TNPO2: variants seen among roughly 807,000 people sequenced by gnomAD.
TNPO2 encodes transportin 2.
TNPO2 carries 16 observed loss-of-function variants against 111.1 expected under a neutral mutation model. The observed-to-expected ratio is 0.14, with a 90% CI of 0.10 to 0.22. The LOEUF (loss-of-function observed/expected upper bound fraction) is 0.22. Ranked by LOEUF, TNPO2 falls within the 10% of genes least tolerant of loss-of-function variation. The pLI is 1.00. For missense variants in TNPO2, 530 were observed against 1,173.7 expected, an observed-to-expected ratio of 0.45 and a Z score of 8.01; for synonymous variants, 481 against 475.8, an observed-to-expected ratio of 1.01 and a Z score of -0.14.
In TNPO2 at chr19:12,721,035, CGT is replaced by C. The variant is rs1402814866; in HGVS notation, c.-13-47_-13-46del. The C allele has an allele frequency of 2.0e-6, 3 of 1,536,498 alleles. No homozygotes were observed. Among genetic ancestry groups the C allele is most frequent in the Non-Finnish European group, 2.6e-6 (3 of 1,146,488 alleles). On this transcript the variant is annotated intron_variant, in intron 2 of 25. Coordinates refer to ENST00000425528, the MANE Select transcript of TNPO2 (RefSeq NM_001382241.1). The surrounding 1 kb of genome is among the most constrained non-coding windows in gnomAD (Gnocchi z 4.9). The stretch of plus-strand genomic sequence containing the variant: ...GGTCAGCGCTGGGTCTCTGGGGCTC[CGT>C]GTGAGACCCAGGTGGAGCCCCTGAG...
At position 12,703,498 on chromosome 19, in the gene TNPO2, G is replaced by A. The variant is rs1280037180; in HGVS notation, c.2139C>T (p.Asn713=). 11 of 1,614,054 alleles carry A rather than the reference G, an allele frequency of 6.8e-6. No homozygotes were observed. The highest frequency in any genetic ancestry group is 9.3e-6 in the Non-Finnish European group (11 of 1,179,906). ...AGACGGAGATGAACTCTGGGTTCAG[G>A]TTGGTGCCCAGAATGGGCATGAACT... The part of the protein sequence containing the change: ...IAEFMPILGT[N]LNPEFISVCN... The change falls in exon 20 of 26, where the codon AAC becomes AAT. Residue 713 remains asparagine, a synonymous_variant. Transcript: ENST00000425528.
intron 20 of TNPO2, 143 bp from the exon 21 acceptor site, chr19:12,703,061 C>A: frequency 1.4e-6 from 1 of 711,208 alleles, no homozygotes; most frequent in Non-Finnish European, 2.4e-6. Context: ...AGACCTTCTC[C>A]GGCTAATCCC....
rs766871141 is a variant in TNPO2 at position 12,705,776 on chromosome 19, G to C, written c.1669-8C>G. 7 of 1,455,556 alleles carry C rather than the reference G, an allele frequency of 4.8e-6. No individual in the cohort carries two copies. The highest frequency in any genetic ancestry group is 1.8e-6 in the Non-Finnish European group (2 of 1,100,120). The allele number at this position is 1,455,556 out of a possible 1,614,324, so 90.2% of individuals were successfully genotyped here. ...CAGCTTCTGGATGTATTCCTGGAGA[G>C]GGAGCACGAAATGGGCGCTCCCTGG... On this transcript the variant is annotated splice_region_variant and splice_polypyrimidine_tract_variant and intron_variant, in intron 15 of 25. Transcript: ENST00000425528. The surrounding 1 kb of genome is among the most constrained non-coding windows in gnomAD (Gnocchi z 7.2).
Position 12,701,155 on chromosome 19 carries a change from C to T in TNPO2, c.*109G>A. The T allele has an allele frequency of 1.9e-6, 1 of 537,366 alleles. No homozygotes were observed. The highest frequency in any genetic ancestry group is 3.3e-6 in the Non-Finnish European group (1 of 303,318). The allele number at this position is 537,366 out of a possible 1,614,324, so 33.3% of individuals were successfully genotyped here. ...CATCTGGATTTGAGTCCCACTCACT[C>T]CTCCCTAACCCCCCTCAACCAGGGC... On this transcript the variant is annotated 3_prime_UTR_variant, in exon 26 of 26. Transcript: ENST00000425528. The surrounding 1 kb of genome is among the most constrained non-coding windows in gnomAD (Gnocchi z 5.0).
chr19:12,714,149 A>C (rs2145573014), intron 10 of TNPO2, among the ~76,000 whole-genome samples: 1 of 152,242 alleles, frequency 6.6e-6, no homozygotes, highest in Non-Finnish European at 1.5e-5. Context: ...TGAAGTTCCT[A>C]AGCTGGAAGG....
chr19:12,711,592 A>G lies in TNPO2; in HGVS notation c.912T>C (p.Asn304=). 3 of 1,613,742 alleles carry G rather than the reference A, an allele frequency of 1.9e-6. No homozygotes were observed. The highest frequency in any genetic ancestry group is 2.5e-6 in the Non-Finnish European group (3 of 1,179,806). ...HLVQLIPILV[N]GMKYSEIDII... ...TGTCAATTTCCGAGTACTTCATCCC[A>G]TTCACCAAGATGGGGATCAACCTGC... The change falls in exon 11 of 26, where the codon AAT becomes AAC. Residue 304 remains asparagine, a synonymous_variant. Transcript: ENST00000425528.
chr19:12,699,275 A>G lies in TNPO2; in HGVS notation c.*1989T>C, dbSNP rs1304751689. 2.2e-6 allele frequency: 1 copy of G among 446,550 alleles called. No homozygotes were observed. Among genetic ancestry groups the G allele is most frequent in the Non-Finnish European group, 4.5e-6 (1 of 222,576 alleles). The allele number at this position is 446,550 out of a possible 1,614,324, so 27.7% of individuals were successfully genotyped here. On this transcript the variant is annotated 3_prime_UTR_variant, in exon 26 of 26. Coordinates refer to ENST00000425528, the MANE Select transcript of TNPO2 (RefSeq NM_001382241.1). ...TCACGCCACCTCGGCGCCAATCCCCAGCACAGCACAGTAACAAATGGACAG... is the reference window on the plus strand; with the variant it reads ...TCACGCCACCTCGGCGCCAATCCCCGGCACAGCACAGTAACAAATGGACAG...
chr19:12,715,065 G>A lies in TNPO2; in HGVS notation c.753C>T (p.His251=). Reference sequence around the variant, plus strand: ...TGCACACCTGGATGATGCTGTGCATGTGGGGGATGAGCCTGTCAATCCGCA... The same window carrying A: ...TGCACACCTGGATGATGCTGTGCATATGGGGGATGAGCCTGTCAATCCGCA... ...LEVRIDRLIP[H]MHSIIQYMLQ... is the part of the protein sequence containing the mutation. The change falls in exon 9 of 26, where the codon CAC becomes CAT. Residue 251 remains histidine, a synonymous_variant. Coordinates refer to ENST00000425528, the MANE Select transcript of TNPO2 (RefSeq NM_001382241.1). This position sits in a 1 kb window ranked among gnomAD's most constrained non-coding sequence, Gnocchi z 7.1. 6.4e-7 allele frequency: 1 copy of A among 1,574,040 alleles called. No individual in the cohort carries two copies.
Position 12,721,340 on chromosome 19 carries a change from G to A in TNPO2, c.-13-350C>T, listed in dbSNP as rs1366248579. The A allele has an allele frequency of 1.6e-6, 2 of 1,265,602 alleles. No homozygotes were observed. The highest frequency in any genetic ancestry group is 2.0e-6 in the Non-Finnish European group (2 of 980,418). 78.4% of individuals were successfully genotyped at this position (1,265,602 alleles called of 1,614,324 possible). ...CGAAGGCTTCCACCTCCCTCGCAGC[G>A]GCTGGGCGAGGGCCCAGCCGCCTCC... is the stretch of plus-strand genomic sequence containing the variant. On this transcript the variant is annotated intron_variant, in intron 2 of 25. Transcript: ENST00000425528. The surrounding 1 kb of genome is among the most constrained non-coding windows in gnomAD (Gnocchi z 4.9).
At chr19:12,714,283 T>C (rs2026238102) in intron 10 of TNPO2, among the ~76,000 whole-genome samples, 3 of 151,778 alleles carry the variant, frequency 2.0e-5, no homozygotes, top group Non-Finnish European at 2.9e-5. Context: ...GATACAGCCA[T>C]ACCCCTGAAG....
At position 12,719,888 on chromosome 19, in the gene TNPO2, G is replaced by A. The variant is rs1277703300; in HGVS notation, c.100-552C>T. 6.6e-6 allele frequency among the ~76,000 whole-genome samples: 1 copy of A among 151,388 alleles called. No homozygotes were observed. Among genetic ancestry groups the A allele is most frequent in the Non-Finnish European group, 1.5e-5 (1 of 67,972 alleles). ...GACCCAGCCAGAGCAGGAGAGGGAA[G>A]GAGAATCCCACTCCTCTTAAAGTGG... On this transcript the variant is annotated intron_variant, in intron 3 of 25. Transcript: ENST00000425528. The surrounding 1 kb of genome is among the most constrained non-coding windows in gnomAD (Gnocchi z 5.0).
At chr19:12,716,521 G>A (rs922793512) in intron 5 of TNPO2, among the ~76,000 whole-genome samples, 2 of 152,164 alleles carry the variant, frequency 1.3e-5, no homozygotes, top group Non-Finnish European at 2.9e-5. Flanking sequence ...AGCTACTTGG[G>A]AGGCCGAGGC....
chr19:12,711,377 G>T lies in TNPO2; in HGVS notation c.1036C>A (p.Pro346Thr). 6.2e-7 allele frequency: 1 copy of T among 1,614,048 alleles called. No homozygotes were observed. The highest frequency in any genetic ancestry group is 8.5e-7 in the Non-Finnish European group (1 of 1,179,898). The stretch of plus-strand genomic sequence containing the variant: ...CCATCAGGCCGCTCAGCCTCGTGGG[G>T]CAGTGTGACCGTGCGTGACTTGTGG... ...RFHKSRTVTL[P>T]HEAERPDGSE... The change falls in exon 12 of 26, where the codon CCC (proline) becomes ACC (threonine). Residue 346 changes from proline to threonine, a missense_variant. This residue lies in a region of TNPO2 where 88 missense variants were observed against 130.2 expected (regional missense o/e 0.68). Transcript: ENST00000425528.
Position 12,705,510 on chromosome 19 carries a change from C to T in TNPO2, c.1845G>A (p.Lys615=). 4 of 1,599,858 alleles carry T rather than the reference C, an allele frequency of 2.5e-6. No homozygotes were observed. Among genetic ancestry groups the T allele is most frequent in the Non-Finnish European group, 3.4e-6 (4 of 1,173,872 alleles). ...TGCTCACCATGGCCTGAGCCAGTGT[C>T]TTCTGCACCAGGGTGACACAGCGCT... ...VYQRCVTLVQ[K]TLAQAMMYTQ... The change falls in exon 17 of 26, where the codon AAG becomes AAA. Residue 615 remains lysine, a synonymous_variant. Transcript: ENST00000425528. This position sits in a 1 kb window ranked among gnomAD's most constrained non-coding sequence, Gnocchi z 7.2.
rs1249946526 is a variant in TNPO2 at position 12,701,686 on chromosome 19, G to A, written c.2512-14C>T. On this transcript the variant is annotated splice_polypyrimidine_tract_variant and intron_variant, in intron 23 of 25. Transcript: ENST00000425528. The surrounding 1 kb of genome is among the most constrained non-coding windows in gnomAD (Gnocchi z 5.0). ...GAAAATAAAGTCCTGAAACGTGACG[G>A]ATCCCAGGTGAGGGGCCGCCCGAGC... 3 of 1,613,816 alleles carry A rather than the reference G, an allele frequency of 1.9e-6. No homozygotes were observed. The highest frequency in any genetic ancestry group is 3.3e-5 in the Admixed American group (2 of 59,998).
chr19:12,702,348 T>C lies in TNPO2; in HGVS notation c.2306-171A>G. 1.4e-6 allele frequency: 1 copy of C among 695,004 alleles called. No homozygotes were observed. Among genetic ancestry groups the C allele is most frequent in the Non-Finnish European group, 2.6e-6 (1 of 382,130 alleles). The allele number at this position is 695,004 out of a possible 1,614,324, so 43.1% of individuals were successfully genotyped here. On this transcript the variant is annotated intron_variant, in intron 21 of 25. Transcript: ENST00000425528. This position sits in a 1 kb window ranked among gnomAD's most constrained non-coding sequence, Gnocchi z 5.5. ...ACCTGAGTCACTTCCCAGGTCTCTC[T>C]GCATCTATCTTTCTTTCTTTCCTTT... is the stretch of plus-strand genomic sequence containing the variant.
Position 12,705,109 on chromosome 19 carries a change from A to C in TNPO2, c.2022+131T>G. 2 of 991,000 alleles carry C rather than the reference A, an allele frequency of 2.0e-6. No individual in the cohort carries two copies. Among genetic ancestry groups the C allele is most frequent in the Non-Finnish European group, 3.0e-6 (2 of 676,688 alleles). The allele number at this position is 991,000 out of a possible 1,614,324, so 61.4% of individuals were successfully genotyped here. On this transcript the variant is annotated intron_variant, in intron 18 of 25. Transcript: ENST00000425528. The surrounding 1 kb of genome is among the most constrained non-coding windows in gnomAD (Gnocchi z 7.2). ...AAGCAATCCTGCCTCGGCCTCCAGG[A>C]TTACTCTTTAAAATAATTAGAACAG...
In TNPO2 at chr19:12,718,951, A is replaced by G. The variant is rs536354421; in HGVS notation, c.325+78T>C. 2.7e-5 allele frequency: 43 copies of G among 1,563,974 alleles called. 1 individual carries two copies. In the South Asian group the frequency reaches 5.0e-4, roughly 18 times the overall value. ...ACCATAGAGGGTGCCAGAGCATTCC[A>G]TGAAGCACTACACTTAACATGCTGA... On this transcript the variant is annotated intron_variant, in intron 5 of 25. Coordinates refer to ENST00000425528, the MANE Select transcript of TNPO2 (RefSeq NM_001382241.1).
intron 13 of TNPO2, among the ~76,000 whole-genome samples, chr19:12,707,479 CTTTTTTTTT>C (rs56817777): frequency 1.3e-5 from 1 of 74,962 alleles, no homozygotes; most frequent in Non-Finnish European, 2.6e-5. Context: ...TGTGAGTTTT[CTTTTTTTTT>C]TTTTTTTTTT....
Sources: gnomAD v4.1 joint callset for allele counts (sites outside exome capture counted in the v4.1 genomes callset) on GRCh38, gnomAD v4.1.1 for gene constraint, gnomAD v4.1.1 regional missense constraint, Gnocchi (gnomAD v3.1) non-coding constraint, MANE v1.5 for transcripts, NCBI Gene and HGNC (gene_info 2026-07-23, HGNC 2026-07-21) for gene names.